TRAPPC8: variants seen among roughly 807,000 people sequenced by gnomAD.
TRAPPC8 encodes general sporulation gene 1 homolog.
Under a neutral mutation model 174.3 loss-of-function variants are expected in TRAPPC8, and 54 were observed. That is an observed-to-expected ratio of 0.31 (90% CI 0.25 to 0.39). The LOEUF (loss-of-function observed/expected upper bound fraction) is 0.39. Among genes scored for constraint, TRAPPC8 ranks in the 10% least tolerant of loss-of-function variants. The pLI is 1.00. For missense variants in TRAPPC8, 1,531 were observed against 1,699.1 expected, an observed-to-expected ratio of 0.90 and a Z score of 1.74; for synonymous variants, 630 against 579.9, an observed-to-expected ratio of 1.09 and a Z score of -1.24.
chr18:31,855,922 T>A, intron 20 of TRAPPC8, 115 bp from the exon 21 acceptor site: 1 of 1,105,018 alleles, frequency 9.0e-7, no homozygotes, highest in Non-Finnish European at 1.3e-6. Context: ...ATTTATACTC[T>A]AAAAATCCAT....
intron 12 of TRAPPC8, among the ~76,000 whole-genome samples, chr18:31,875,325 T>C (rs1278026652): frequency 6.7e-6 from 1 of 148,774 alleles, no homozygotes; most frequent in Non-Finnish European, 1.5e-5. Context: ...TATAATAATA[T>C]ATATAGTAGT....
At chr18:31,834,396 C>T (rs1438412167) in intron 27 of TRAPPC8, among the ~76,000 whole-genome samples, 1 of 152,114 alleles carries the variant, frequency 6.6e-6, no homozygotes, top group Non-Finnish European at 1.5e-5. Context: ...AGGTGTGTGC[C>T]ACCAGGTCCA....
chr18:31,916,846 CAAA>C (rs5823825), intron 3 of TRAPPC8, among the ~76,000 whole-genome samples: 3 of 126,900 alleles, frequency 2.4e-5, no homozygotes, highest in Admixed American at 8.4e-5. Flanking sequence ...ATTTTCACAG[CAAA>C]AAAAAAAAAA....
chr18:31,928,515 C>T (rs2037721240), intron 2 of TRAPPC8, among the ~76,000 whole-genome samples: 1 of 151,784 alleles, frequency 6.6e-6, no homozygotes, highest in Non-Finnish European at 1.5e-5. Context: ...TAGAGTAAGA[C>T]CCTGTCTCTT....
Position 31,830,943 on chromosome 18 carries a change from T to C in TRAPPC8, c.4120A>G (p.Thr1374Ala), listed in dbSNP as rs201401595. 3 of 1,614,166 alleles carry C rather than the reference T, an allele frequency of 1.9e-6. No homozygotes were observed. The highest frequency in any genetic ancestry group is 2.2e-5 in the South Asian group (2 of 91,082). ...CTTTTAAGTTGAAGTTTATACTGTG[T>C]TTGTCCAAGCCATGTGAATGATCCA... ...IHGSFTWLGQ[T>A]QYKLQLKSQE... Residue 1374 changes from threonine (T) to alanine (A), a missense_variant, in exon 29 of 29, where the codon ACA becomes GCA. Transcript: ENST00000283351.
At chr18:31,877,926 A>T (rs77897856) in intron 12 of TRAPPC8, among the ~76,000 whole-genome samples, 1 of 150,266 alleles carries the variant, frequency 6.7e-6, no homozygotes, top group Non-Finnish European at 1.5e-5. Flanking sequence ...TCTGTCTCAA[A>T]AAAAAAAAAA....
chr18:31,834,273 ATTTT>A (rs553063180), intron 27 of TRAPPC8, among the ~76,000 whole-genome samples: 4 of 150,900 alleles, frequency 2.7e-5, no homozygotes, highest in African/African-American at 9.7e-5. Context: ...CACCCGGCTA[ATTTT>A]TTTTTATTTT....
intron 12 of TRAPPC8, among the ~76,000 whole-genome samples, chr18:31,880,836 A>T (rs944439785): frequency 6.6e-6 from 1 of 152,174 alleles, no homozygotes; most frequent in Non-Finnish European, 1.5e-5. Context: ...CACAAAAATC[A>T]GTTGTGTTTC....
rs761019311 is a variant in TRAPPC8, at chr18:31,830,946, G to T, written c.4117C>A (p.Gln1373Lys). ...TTAAGTTGAAGTTTATACTGTGTTTGTCCAAGCCATGTGAATGATCCATGG... is the reference window on the plus strand; with the variant it reads ...TTAAGTTGAAGTTTATACTGTGTTTTTCCAAGCCATGTGAATGATCCATGG... ...EIHGSFTWLG[Q>K]TQYKLQLKSQ... Residue 1373 changes from glutamine to lysine, a missense_variant, in exon 29 of 29, where the codon CAA becomes AAA. Transcript: ENST00000283351. 22 of 1,614,098 alleles carry T rather than the reference G, an allele frequency of 1.4e-5. No individual in the cohort carries two copies. The South Asian group carries it at 2.4e-4, about 18-fold the overall frequency.
At chr18:31,932,620 C>G (rs536070500) in intron 1 of TRAPPC8, among the ~76,000 whole-genome samples, 1 of 152,064 alleles carries the variant, frequency 6.6e-6, no homozygotes, top group African/African-American at 2.4e-5. Flanking sequence ...GTCCACAGTC[C>G]ACAGAACAAA....
In TRAPPC8 at chr18:31,858,001, A is replaced by C. The variant is rs1568053134; in HGVS notation, c.2746-19T>G. On this transcript the variant is annotated intron_variant, in intron 19 of 28. Transcript: ENST00000283351. The stretch of plus-strand genomic sequence containing the variant: ...AGAACACCTGCATTGGAGGGAAAAA[A>C]TATTATTATTTGTCTGTTAAAAATT... 2 of 1,551,516 alleles carry C rather than the reference A, an allele frequency of 1.3e-6. No homozygotes were observed. The highest frequency in any genetic ancestry group is 1.7e-6 in the Non-Finnish European group (2 of 1,152,344).
At chr18:31,900,189 G>A (rs2145423045) in intron 10 of TRAPPC8, among the ~76,000 whole-genome samples, 1 of 152,184 alleles carries the variant, frequency 6.6e-6, no homozygotes, top group African/African-American at 2.4e-5. Context: ...AGCCAAGATT[G>A]CGCCACTGCA....
At chr18:31,885,588 G>T (rs1377908356) in intron 12 of TRAPPC8, among the ~76,000 whole-genome samples, 3 of 151,958 alleles carry the variant, frequency 2.0e-5, no homozygotes, top group African/African-American at 7.2e-5. Context: ...GCCGGGCACG[G>T]TGGCTCACTC....
chr18:31,852,629 A>T lies in TRAPPC8; in HGVS notation c.3468T>A (p.Phe1156Leu), dbSNP rs1201585493. ...TKLASREKGKFCFKAIRCEKE... is the reference protein window; with the variant it reads ...TKLASREKGKLCFKAIRCEKE... Reference sequence around the variant, plus strand: ...TCTCACATCTTATTGCCTTAAAGCAAAACTTTCCCTTCTCCCTACTGGCAA... The same window carrying T: ...TCTCACATCTTATTGCCTTAAAGCATAACTTTCCCTTCTCCCTACTGGCAA... Residue 1156 changes from phenylalanine (F) to leucine (L), a missense_variant, in exon 23 of 29, where the codon TTT becomes TTA. By Grantham distance (22) the Phe-to-Leu change is conservative. Transcript: ENST00000283351. The T allele has an allele frequency of 6.2e-7, 1 of 1,614,046 alleles. No individual in the cohort carries two copies. The highest frequency in any genetic ancestry group is 1.7e-5 in the Admixed American group (1 of 60,018).
chr18:31,940,076 CT>C (rs1446316249), intron 1 of TRAPPC8, among the ~76,000 whole-genome samples: 2 of 152,092 alleles, frequency 1.3e-5, no homozygotes, highest in East Asian at 3.8e-4. Flanking sequence ...ATTTCAAAGA[CT>C]AAGCAATAAA....
At chr18:31,869,019 A>G (rs1439924619) in intron 16 of TRAPPC8, among the ~76,000 whole-genome samples, 2 of 150,508 alleles carry the variant, frequency 1.3e-5, no homozygotes, top group Non-Finnish European at 3.0e-5. Context: ...TTTTTTTGCC[A>G]CATTATTAAA....
chr18:31,852,252 G>C (rs986213674), intron 24 of TRAPPC8, among the ~76,000 whole-genome samples, 194 bp downstream of exon 24: 5 of 152,018 alleles, frequency 3.3e-5, no homozygotes, highest in African/African-American at 1.2e-4. Flanking sequence ...GAGGGGGGAG[G>C]ATCACTTGAT....
intron 14 of TRAPPC8, among the ~76,000 whole-genome samples, chr18:31,872,414 T>C (rs746332343): frequency 9.9e-5 from 15 of 152,178 alleles, no homozygotes; most frequent in Non-Finnish European, 2.1e-4. Flanking sequence ...AAACAAATTT[T>C]ATCTACAAAG....
chr18:31,938,994 CACTT>C (rs1199967439), intron 1 of TRAPPC8, among the ~76,000 whole-genome samples: 1 of 148,076 alleles, frequency 6.8e-6, no homozygotes, highest in Non-Finnish European at 1.5e-5. Flanking sequence ...GCAGGAGAAT[CACTT>C]GAACCCGGGA....
Sources: gnomAD v4.1 joint callset for allele counts (sites outside exome capture counted in the v4.1 genomes callset) on GRCh38, gnomAD v4.1.1 for gene constraint, MANE v1.5 for transcripts, NCBI Gene and HGNC (gene_info 2026-07-23, HGNC 2026-07-21) for gene names.